The following HECW2 variants were observed in gnomAD, a reference collection of about 807,000 sequenced individuals.
HECW2 encodes the protein HECT, C2 and WW domain containing E3 ubiquitin protein ligase 2.
In HECW2, 61 loss-of-function variants were observed where a neutral mutation model predicts 175.2. The observed-to-expected ratio is 0.35, with a 90% confidence interval of 0.28 to 0.43. The LOEUF is 0.43. Among genes scored for constraint, HECW2 ranks in the 20% least tolerant of loss-of-function variants. The pLI is 1.00. For synonymous variants in HECW2, 671 were observed against 731.0 expected, an observed-to-expected ratio of 0.92 and a Z score of 1.32; for missense variants, 1,524 against 2,000.5, an observed-to-expected ratio of 0.76 and a Z score of 4.54.
At chr2:196,290,352 A>G (rs1690561203) in intron 14 of HECW2, 1 of 152,244 alleles carries the variant, frequency 6.6e-6, no homozygotes, top group Non-Finnish European at 1.5e-5. Flanking sequence ...CTCTTCTTCA[A>G]TAGTATCCTA....
Position 196,319,064 on chromosome 2 carries a change from T to C in HECW2, c.1826A>G (p.Gln609Arg), listed in dbSNP as rs1003371939. 5 of 1,612,256 alleles carry C rather than the reference T, an allele frequency of 3.1e-6. No individual in the cohort carries two copies. Among genetic ancestry groups the C allele is most frequent in the South Asian group, 1.1e-5 (1 of 90,752 alleles). ...ESLDQGSEPS[Q>R]VSSETEPSDP... ...ACTGGGTTCTGTTTCAGAGGACACC[T>C]GGGAAGGCTCAGAGCCCTGATCGAG... The change falls in exon 9 of 29, where the codon CAG (glutamine) becomes CGG (arginine). Residue 609 changes from glutamine (Q) to arginine (R), a missense_variant. This residue lies in a region of HECW2 where 604 missense variants were observed against 588.3 expected (regional missense o/e 1.03). Transcript: ENST00000644978.
At chr2:196,521,846 T>A (rs1385727905) in intron 1 of HECW2, among the ~76,000 whole-genome samples, 1 of 149,796 alleles carries the variant, frequency 6.7e-6, no homozygotes, top group Non-Finnish European at 1.5e-5. Flanking sequence ...TATTCCATGG[T>A]GTATATGTGC....
chr2:196,392,775 AC>A (rs1476974110), intron 2 of HECW2, among the ~76,000 whole-genome samples: 2 of 152,208 alleles, frequency 1.3e-5, no homozygotes, highest in African/African-American at 4.8e-5. Context: ...CTATTTACAT[AC>A]AAAAGATTTT....
chr2:196,438,847 C>CT (rs1384084810), intron 1 of HECW2, among the ~76,000 whole-genome samples: 1 of 152,158 alleles, frequency 6.6e-6, no homozygotes, highest in African/African-American at 2.4e-5. Flanking sequence ...TTTTATAACT[C>CT]TTTTTGCTTC....
chr2:196,484,215 T>A (rs1472773656), intron 1 of HECW2, among the ~76,000 whole-genome samples: 1 of 152,198 alleles, frequency 6.6e-6, no homozygotes, highest in Admixed American at 6.5e-5. Context: ...TGGTTCACAG[T>A]GAGCACTCAT....
At chr2:196,392,554 A>G (rs1407688254) in intron 2 of HECW2, among the ~76,000 whole-genome samples, 1 of 152,198 alleles carries the variant, frequency 6.6e-6, no homozygotes, top group African/African-American at 2.4e-5. Flanking sequence ...CCATATTCTA[A>G]CATCAAAATA....
chr2:196,535,695 TCA>T (rs1688997480), intron 1 of HECW2, among the ~76,000 whole-genome samples: 2 of 152,154 alleles, frequency 1.3e-5, no homozygotes, highest in African/African-American at 4.8e-5. Context: ...TCCCAAATCA[TCA>T]CAGTCACCTT....
intron 10 of HECW2, 45 bp from the exon 11 acceptor site, chr2:196,308,130 A>G: frequency 2.1e-6 from 3 of 1,437,850 alleles, no homozygotes; most frequent in Non-Finnish European, 2.8e-6. Flanking sequence ...GGAGGAGCTG[A>G]GATGATTAAT....
At chr2:196,468,786 G>A (rs545281644) in intron 1 of HECW2, among the ~76,000 whole-genome samples, 1 of 152,250 alleles carries the variant, frequency 6.6e-6, no homozygotes, top group Admixed American at 6.5e-5. Flanking sequence ...GTGGGAGCGG[G>A]GAAGCAAAGG....
intron 23 of HECW2, among the ~76,000 whole-genome samples, chr2:196,222,999 A>G (rs1196185708): frequency 6.6e-6 from 1 of 152,158 alleles, no homozygotes; most frequent in East Asian, 1.9e-4. Flanking sequence ...GCCCAGTTGT[A>G]CAGTGGTAGT....
At chr2:196,482,828 C>T (rs1686887060) in intron 1 of HECW2, among the ~76,000 whole-genome samples, 1 of 152,172 alleles carries the variant, frequency 6.6e-6, no homozygotes, top group South Asian at 2.1e-4. Flanking sequence ...GCCCCAAATG[C>T]AGAGCCTTTC....
intron 23 of HECW2, among the ~76,000 whole-genome samples, chr2:196,223,364 G>C (rs1687738797): frequency 6.6e-6 from 1 of 152,098 alleles, no homozygotes; most frequent in Admixed American, 6.5e-5. Context: ...GAGAGATTCA[G>C]GAAAAGCTTT....
intron 1 of HECW2, among the ~76,000 whole-genome samples, chr2:196,456,398 TC>T (rs1195303392): frequency 6.6e-6 from 1 of 151,830 alleles, no homozygotes; most frequent in African/African-American, 2.4e-5. Context: ...ATTTACCTTA[TC>T]CCAGCAAGGA....
chr2:196,254,212 C>T (rs771836069), intron 18 of HECW2, among the ~76,000 whole-genome samples, 183 bp from the exon 19 acceptor site: 6 of 152,184 alleles, frequency 3.9e-5, no homozygotes, highest in Non-Finnish European at 8.8e-5. Flanking sequence ...TTTGTGAACC[C>T]TGTGGCTATT....
intron 2 of HECW2, among the ~76,000 whole-genome samples, chr2:196,382,466 T>C (rs1455425497): frequency 6.6e-6 from 1 of 151,158 alleles, no homozygotes; most frequent in Non-Finnish European, 1.5e-5. Flanking sequence ...GTTATTCACA[T>C]AGGGCAAAAA....
rs1172506737 is a variant in HECW2 at position 196,197,874 on chromosome 2, A to G, written c.*3403T>C. ...CTTTGAAACTATAAAGCACTATGCA[A>G]GCATATTCTACCATTTCTTTCAAAC... On this transcript the variant is annotated 3_prime_UTR_variant, in exon 29 of 29. Transcript: ENST00000644978. 6.6e-6 allele frequency: 1 copy of G among 152,236 alleles called. No homozygotes were observed. The highest frequency in any genetic ancestry group is 2.4e-5 in the African/African-American group (1 of 41,466). The allele number at this position is 152,236 out of a possible 1,614,324, so 9.4% of individuals were successfully genotyped here.
At chr2:196,307,370 T>A (rs1368537270) in intron 11 of HECW2, 137 bp from the exon 12 acceptor site, 1 of 506,562 alleles carries the variant, frequency 2.0e-6, no homozygotes, top group Non-Finnish European at 3.5e-6. Flanking sequence ...CCTGGACTTC[T>A]TGGCCACCTG....
At position 196,201,031 on chromosome 2, in the gene HECW2, T is replaced by C; in HGVS notation, c.*246A>G. The C allele has an allele frequency of 2.5e-6, 1 of 395,428 alleles. No individual in the cohort carries two copies. The highest frequency in any genetic ancestry group is 4.8e-6 in the Non-Finnish European group (1 of 210,390). 24.5% of individuals were successfully genotyped at this position (395,428 alleles called of 1,614,324 possible). ...TGGAACATAACAAATGGAAAAAGTT[T>C]GGCAGTCAAGAACTGTTGATTGAAA... On this transcript the variant is annotated 3_prime_UTR_variant, in exon 29 of 29. Coordinates refer to ENST00000644978, the MANE Select transcript of HECW2 (RefSeq NM_001348768.2).
At chr2:196,414,176 C>G (rs1695192258) in intron 2 of HECW2, among the ~76,000 whole-genome samples, 1 of 152,180 alleles carries the variant, frequency 6.6e-6, no homozygotes. Context: ...AAAAGTGGTT[C>G]TCTCCAGGGG....
Sources: allele counts gnomAD v4.1 joint callset (sites outside exome capture counted in the v4.1 genomes callset), GRCh38; gene constraint gnomAD v4.1.1; regional missense constraint gnomAD v4.1.1; transcripts MANE v1.5; gene names NCBI Gene and HGNC (gene_info 2026-07-23, HGNC 2026-07-21).